The following DCAF6 variants were observed in gnomAD, a reference collection of about 807,000 sequenced individuals.
DCAF6 encodes the protein DDB1 and CUL4 associated factor 6, also known as DDB1- and CUL4-associated factor 6.
Under a neutral mutation model 125.1 loss-of-function variants are expected in DCAF6, and 54 were observed. The ratio of observed to expected loss-of-function variants is 0.43; its 90% confidence interval spans 0.35 to 0.54. The LOEUF (loss-of-function observed/expected upper bound fraction) is 0.54. Among genes scored for constraint, DCAF6 ranks in the 20% least tolerant of loss-of-function variants. The probability of loss-of-function intolerance (pLI) is 0.01; values close to 1 mark genes in which losing one functional copy is unlikely to be tolerated. For missense variants in DCAF6, 934 were observed against 1,161.7 expected (o/e 0.80, Z 2.85); for synonymous variants, 371 against 390.4 (o/e 0.95, Z 0.58).
At chr1:168,026,540 G>T (rs1686363281) in intron 12 of DCAF6, among the ~76,000 whole-genome samples, 1 of 152,116 alleles carries the variant, frequency 6.6e-6, no homozygotes, top group African/African-American at 2.4e-5. Flanking sequence ...GGAATGGACA[G>T]ATTTTAAAAA....
the DCAF6 span, chr1:167,904,068 G>A: frequency 1.1e-6 from 1 of 886,386 alleles, no homozygotes; most frequent in Non-Finnish European, 1.8e-6. Context: ...ACCCTGGAAG[G>A]CAGCGGGCCT....
the DCAF6 span, among the ~76,000 whole-genome samples, chr1:167,887,475 C>T: frequency 6.6e-6 from 1 of 152,090 alleles, no homozygotes; most frequent in Non-Finnish European, 1.5e-5. Flanking sequence ...TGTTCTCACT[C>T]ATAGGTGGGA....
intron 12 of DCAF6, among the ~76,000 whole-genome samples, chr1:168,024,585 C>G (rs921187840): frequency 6.6e-6 from 1 of 152,118 alleles, no homozygotes; most frequent in African/African-American, 2.4e-5. Context: ...GCAGGCAGAT[C>G]ACCTGAGGTC....
chr1:168,014,599 ACTTGTTTCT>A (rs1684712225), intron 10 of DCAF6, among the ~76,000 whole-genome samples: 4 of 151,996 alleles, frequency 2.6e-5, no homozygotes, highest in Non-Finnish European at 5.9e-5. Context: ...CCCCAACACT[ACTTGTTTCT>A]CCATTGTTCC....
intron 17 of DCAF6, among the ~76,000 whole-genome samples, chr1:168,061,341 A>G (rs1691569673): frequency 6.6e-6 from 1 of 152,230 alleles, no homozygotes; most frequent in South Asian, 2.1e-4. Context: ...AAAAGTAAAC[A>G]TCTTTTTATT....
chr1:167,909,409 G>A, the DCAF6 span, among the ~76,000 whole-genome samples: 1 of 152,152 alleles, frequency 6.6e-6, no homozygotes, highest in African/African-American at 2.4e-5. Flanking sequence ...GAGTGGAATT[G>A]CTGGGTCATA....
intron 17 of DCAF6, among the ~76,000 whole-genome samples, chr1:168,059,381 T>C (rs1388193709): frequency 6.6e-6 from 1 of 152,220 alleles, no homozygotes; most frequent in Non-Finnish European, 1.5e-5. Context: ...TTTGCCTGTC[T>C]CTCTGTCAGT....
At chr1:167,893,376 T>C in the DCAF6 span, among the ~76,000 whole-genome samples, 2 of 152,040 alleles carry the variant, frequency 1.3e-5, no homozygotes, top group African/African-American at 2.4e-5. Flanking sequence ...TTTGAAAGTA[T>C]TGAGATTTGA....
At chr1:167,902,054 TC>T in the DCAF6 span, 1 of 1,601,440 alleles carries the variant, frequency 6.2e-7, no homozygotes, top group Non-Finnish European at 8.5e-7. Context: ...AATCAACACT[TC>T]TGAGAAAAAA....
the DCAF6 span, among the ~76,000 whole-genome samples, chr1:167,888,494 A>G: frequency 6.6e-6 from 1 of 151,736 alleles, no homozygotes; most frequent in Non-Finnish European, 1.5e-5. Flanking sequence ...TTGGTTAATT[A>G]CTAGGTACTT....
At chr1:168,055,789 T>TCC in intron 17 of DCAF6, 1 of 711,054 alleles carries the variant, frequency 1.4e-6, no homozygotes, top group Admixed American at 2.6e-5. Context: ...AGTTTTTTTT[T>TCC]CCCCATCGGT....
At chr1:167,930,367 CT>C in the DCAF6 span, among the ~76,000 whole-genome samples, 1 of 152,164 alleles carries the variant, frequency 6.6e-6, no homozygotes, top group African/African-American at 2.4e-5. Flanking sequence ...TTTAGAAAGA[CT>C]GTTGAAATCA....
At chr1:167,920,000 G>C in the DCAF6 span, 5 of 1,611,944 alleles carry the variant, frequency 3.1e-6, no homozygotes, top group Admixed American at 8.4e-5. Context: ...AAAAAGCTGA[G>C]AGGCTCCTGC....
intron 12 of DCAF6, among the ~76,000 whole-genome samples, chr1:168,030,790 C>T (rs1201324170): frequency 1.3e-5 from 2 of 152,168 alleles, no homozygotes; most frequent in African/African-American, 4.8e-5. Flanking sequence ...AAAACAAATA[C>T]ACTGTTTTTA....
intron 12 of DCAF6, among the ~76,000 whole-genome samples, chr1:168,037,426 A>G (rs1272239914): frequency 2.0e-5 from 3 of 152,178 alleles, no homozygotes; most frequent in Admixed American, 1.3e-4. Context: ...TCTTTCTGCA[A>G]GCAACTGGCA....
rs926110922 is a variant in DCAF6 at position 168,006,446 on chromosome 1, A to C, written c.1378+1653A>C. Among the ~76,000 whole-genome samples, 7 of 152,216 alleles carry C rather than the reference A, an allele frequency of 4.6e-5. No homozygotes were observed. The South Asian group carries it at 1.4e-3, about 31-fold the overall frequency. On this transcript the variant is annotated intron_variant, in intron 10 of 21. Transcript: ENST00000367840. Reference sequence around the variant, plus strand: ...TAATTAGAATATTTCCATGTTATCAAGACATTATCACTATTGAGAAAAATG... The same window carrying C: ...TAATTAGAATATTTCCATGTTATCACGACATTATCACTATTGAGAAAAATG...
At chr1:167,918,471 T>C in the DCAF6 span, 1 of 672,104 alleles carries the variant, frequency 1.5e-6, no homozygotes, top group Non-Finnish European at 2.5e-6. Flanking sequence ...CAAGTAGCTA[T>C]ACAGTTGTAA....
At chr1:168,046,979 A>G (rs1428700126) in intron 16 of DCAF6, among the ~76,000 whole-genome samples, 1 of 152,126 alleles carries the variant, frequency 6.6e-6, no homozygotes, top group Non-Finnish European at 1.5e-5. Flanking sequence ...AGTCATAACT[A>G]TTTAGCAGCT....
In DCAF6 at chr1:168,004,747, A is replaced by G. The variant is rs771842259; in HGVS notation, c.1332A>G (p.Gln444=). 6.1e-5 allele frequency: 99 copies of G among 1,613,844 alleles called. No individual in the cohort carries two copies. Among genetic ancestry groups the G allele is most frequent in the Non-Finnish European group, 7.8e-5 (92 of 1,179,890 alleles). ...TPLLSSPDSE[Q]RQSVEASGHH... ...TGCTATCTTCTCCAGACAGTGAACA[A>G]AGGCAGTCTGTTGAGGCATCTGGAC... The change falls in exon 10 of 22, where the codon CAA becomes CAG. Residue 444 remains glutamine (Q), a synonymous_variant. Transcript: ENST00000367840.
Sources: allele counts gnomAD v4.1 joint callset (sites outside exome capture counted in the v4.1 genomes callset), GRCh38; gene constraint gnomAD v4.1.1; transcripts MANE v1.5; gene names NCBI Gene and HGNC (gene_info 2026-07-23, HGNC 2026-07-21).